WDR7: variants seen among roughly 807,000 people sequenced by gnomAD.
WDR7 encodes WD repeat-containing protein 7.
Under a neutral mutation model 169.4 loss-of-function variants are expected in WDR7, and 46 were observed. That is an observed-to-expected ratio of 0.27 (90% CI 0.21 to 0.35). The LOEUF (loss-of-function observed/expected upper bound fraction) is 0.35. Ranked by LOEUF, WDR7 falls within the 10% of genes least tolerant of loss-of-function variation. The pLI, the probability that WDR7 is intolerant of heterozygous loss-of-function variation, is 1.00. For synonymous variants in WDR7, 612 were observed against 666.8 expected, an observed-to-expected ratio of 0.92 and a Z score of 1.27; for missense variants, 1,534 against 1,859.3, an observed-to-expected ratio of 0.83 and a Z score of 3.22.
intron 19 of WDR7, among the ~76,000 whole-genome samples, chr18:56,789,502 TTGCCATTTTG>T (rs1379037049): frequency 1.3e-5 from 2 of 152,230 alleles, no homozygotes; most frequent in African/African-American, 4.8e-5. Context: ...CCATGACAGT[TTGCCATTTTG>T]TGGAACAAAG....
intron 25 of WDR7, among the ~76,000 whole-genome samples, chr18:56,961,688 T>A (rs992615944): frequency 6.6e-6 from 1 of 151,924 alleles, no homozygotes; most frequent in African/African-American, 2.4e-5. Flanking sequence ...TCTGGAAAAA[T>A]AAAAATAAAT....
chr18:56,993,357 C>G (rs549718406), intron 26 of WDR7, among the ~76,000 whole-genome samples: 1 of 152,230 alleles, frequency 6.6e-6, no homozygotes, highest in African/African-American at 2.4e-5. Flanking sequence ...ACATAGTAAT[C>G]AATTTAATTT....
At chr18:57,032,804 TATATA>T (rs1568036547), downstream of WDR7, 92 of 11,074 alleles carry the variant, frequency 8.3e-3, 1 homozygote, top group East Asian at 0.076. Flanking sequence ...AATTATTTTA[TATATA>T]TATATATATA....
At chr18:56,837,360 A>T (rs1006108727) in intron 20 of WDR7, among the ~76,000 whole-genome samples, 1 of 152,178 alleles carries the variant, frequency 6.6e-6, no homozygotes, top group African/African-American at 2.4e-5. Flanking sequence ...GAAAAATGTT[A>T]TTGGATTTAT....
At chr18:56,996,251 CT>C (rs1234193252) in intron 26 of WDR7, among the ~76,000 whole-genome samples, 1 of 152,026 alleles carries the variant, frequency 6.6e-6, no homozygotes, top group Non-Finnish European at 1.5e-5. Context: ...GTAACTGCTT[CT>C]TTTTTTCTTT....
At chr18:56,988,987 G>C (rs2047771010) in intron 26 of WDR7, among the ~76,000 whole-genome samples, 1 of 150,432 alleles carries the variant, frequency 6.6e-6, no homozygotes, top group East Asian at 2.0e-4. Flanking sequence ...GAAAAAAATT[G>C]AATTATCTAC....
chr18:56,827,049 G>T (rs1001461464), intron 20 of WDR7, among the ~76,000 whole-genome samples: 1 of 152,194 alleles, frequency 6.6e-6, no homozygotes. Context: ...TAGGAGTTAT[G>T]TAAGAGGTAA....
intron 14 of WDR7, among the ~76,000 whole-genome samples, chr18:56,755,216 A>G (rs556816648): frequency 1.3e-5 from 2 of 151,986 alleles, no homozygotes; most frequent in South Asian, 2.1e-4. Flanking sequence ...GTCATTTAAC[A>G]TGTTTTTTAT....
At chr18:56,970,988 C>G (rs2047475827) in intron 26 of WDR7, among the ~76,000 whole-genome samples, 2 of 152,020 alleles carry the variant, frequency 1.3e-5, no homozygotes, top group African/African-American at 2.4e-5. Context: ...AATGGAACTC[C>G]CAGCTGGGCG....
At chr18:56,712,209 T>C (rs1192209156) in intron 12 of WDR7, among the ~76,000 whole-genome samples, 1 of 152,254 alleles carries the variant, frequency 6.6e-6, no homozygotes, top group Non-Finnish European at 1.5e-5. Context: ...AAACTAGCTG[T>C]CTCTGATTTC....
chr18:56,736,198 G>T (rs2026695528), intron 14 of WDR7, among the ~76,000 whole-genome samples: 1 of 152,056 alleles, frequency 6.6e-6, no homozygotes, highest in South Asian at 2.1e-4. Context: ...TCAGACATGT[G>T]CTTCCCTCAT....
chr18:56,767,361 GTTT>G (rs1248533405), intron 16 of WDR7, among the ~76,000 whole-genome samples: 1 of 152,102 alleles, frequency 6.6e-6, no homozygotes, highest in East Asian at 1.9e-4. Context: ...AGCTGCCCTG[GTTT>G]CCTGAGACTC....
chr18:56,733,046 A>T (rs150494221), intron 14 of WDR7, among the ~76,000 whole-genome samples: 2,381 of 152,292 alleles, frequency 0.016, 27 homozygotes, highest in Middle Eastern at 0.027. Context: ...GTGGTCCATT[A>T]TGTGATTTTT....
chr18:56,920,436 A>T (rs1050544044), intron 21 of WDR7, among the ~76,000 whole-genome samples: 14 of 152,220 alleles, frequency 9.2e-5, no homozygotes, highest in African/African-American at 3.4e-4. Context: ...GAAGAAACTG[A>T]GTCTTATTCT....
At chr18:56,718,590 C>T (rs1189720652) in intron 13 of WDR7, among the ~76,000 whole-genome samples, 1 of 152,096 alleles carries the variant, frequency 6.6e-6, no homozygotes, top group African/African-American at 2.4e-5. Context: ...CTAGAGAGAA[C>T]ATTTAAAATT....
Position 56,695,091 on chromosome 18 carries a change from C to T in WDR7, c.1250C>T (p.Ala417Val). The T allele has an allele frequency of 3.7e-6, 6 of 1,614,086 alleles. No homozygotes were observed. Among genetic ancestry groups the T allele is most frequent in the Non-Finnish European group, 4.2e-6 (5 of 1,180,016 alleles). ...LKVTASVYIP[A>V]HGRLVCGRED... Reference sequence around the variant, plus strand: ...GTAACTGCAAGTGTGTACATACCAGCACATGGACGACTTGTTTGTGGTCGT... The same window carrying T: ...GTAACTGCAAGTGTGTACATACCAGTACATGGACGACTTGTTTGTGGTCGT... Residue 417 changes from alanine to valine, a missense_variant, in exon 11 of 28, where the codon GCA (alanine) becomes GTA (valine). Transcript: ENST00000254442.
At chr18:56,716,030 AGTGTGT>A (rs10572330) in intron 12 of WDR7, among the ~76,000 whole-genome samples, 116 of 146,680 alleles carry the variant, frequency 7.9e-4, no homozygotes, top group African/African-American at 1.8e-3. Flanking sequence ...CATACGTAGC[AGTGTGT>A]GTGTGTGTGT....
At chr18:56,991,336 C>CA (rs1555722466) in intron 26 of WDR7, among the ~76,000 whole-genome samples, 1 of 151,924 alleles carries the variant, frequency 6.6e-6, no homozygotes, top group African/African-American at 2.4e-5. Context: ...TTGGTAGAGA[C>CA]GGGTTTCACC....
At chr18:56,700,587 T>C (rs1414927511) in intron 12 of WDR7, among the ~76,000 whole-genome samples, 1 of 63,578 alleles carries the variant, frequency 1.6e-5, no homozygotes, top group Non-Finnish European at 3.3e-5. Context: ...TTTTTTTTTT[T>C]GAGACGGAGT....
Sources: allele counts gnomAD v4.1 joint callset (sites outside exome capture counted in the v4.1 genomes callset), GRCh38; gene constraint gnomAD v4.1.1; transcripts MANE v1.5; gene names NCBI Gene and HGNC (gene_info 2026-07-23, HGNC 2026-07-21).